MINK1: variants seen among roughly 807,000 people sequenced by gnomAD.
MINK1 encodes the protein misshapen-like kinase 1.
MINK1 carries 46 observed loss-of-function variants against 178.4 expected under a neutral mutation model. That is an observed-to-expected ratio of 0.26 (90% CI 0.20 to 0.33). MINK1 has a LOEUF of 0.33. Ranked by LOEUF, MINK1 falls within the 10% of genes least tolerant of loss-of-function variation. MINK1 has a pLI of 1.00. For missense variants in MINK1, 1,366 were observed against 1,814.9 expected, an observed-to-expected ratio of 0.75 and a Z score of 4.49; for synonymous variants, 797 against 709.7, an observed-to-expected ratio of 1.12 and a Z score of -1.96.
In MINK1 at chr17:4,890,986, C is replaced by T; in HGVS notation, c.1602C>T (p.Asn534=). 2 of 1,560,260 alleles carry T rather than the reference C, an allele frequency of 1.3e-6. No individual in the cohort carries two copies. The highest frequency in any genetic ancestry group is 8.7e-7 in the Non-Finnish European group (1 of 1,152,144). Reference sequence around the variant, plus strand: ...GAACAAGGATGAACAAGCAGCAGAACTCTCCCTTGGCCAAGAGCAAGCCAG... The same window carrying T: ...GAACAAGGATGAACAAGCAGCAGAATTCTCCCTTGGCCAAGAGCAAGCCAG... ...EERTRMNKQQ[N]SPLAKSKPGS... The change falls in exon 15 of 32, where the codon AAC becomes AAT. Residue 534 remains asparagine, a synonymous_variant. Transcript: ENST00000355280.
rs780837778 is a variant in MINK1 at position 4,897,447 on chromosome 17, G to A, written c.*160G>A. ...GTGACCTCTGACCCCTGATGCTTTC[G>A]TGATCACGTGACCATCCTCTTCCCC... On this transcript the variant is annotated 3_prime_UTR_variant, in exon 32 of 32. Transcript: ENST00000355280. 58 of 616,120 alleles carry A rather than the reference G, an allele frequency of 9.4e-5. No individual in the cohort carries two copies. Among genetic ancestry groups the A allele is most frequent in the Non-Finnish European group, 1.3e-4 (47 of 351,778 alleles). 38.2% of individuals were successfully genotyped at this position (616,120 alleles called of 1,614,324 possible).
intron 5 of MINK1, 138 bp from the exon 6 acceptor site, chr17:4,884,774 C>G (rs986140162): frequency 8.1e-6 from 6 of 742,828 alleles, no homozygotes; most frequent in Non-Finnish European, 1.4e-5. Context: ...CTTGCTTGGG[C>G]TCCTGGTGGA....
chr17:4,876,682 C>T (rs1967211514), intron 1 of MINK1, among the ~76,000 whole-genome samples: 1 of 152,054 alleles, frequency 6.6e-6, no homozygotes. Context: ...GCACAGAGGC[C>T]ACGTGTTGCC....
chr17:4,866,461 G>A (rs1033802234), intron 1 of MINK1, among the ~76,000 whole-genome samples: 11 of 150,288 alleles, frequency 7.3e-5, no homozygotes, highest in African/African-American at 2.0e-4. Context: ...GTGAGACTCC[G>A]TCTCAAAATT....
At position 4,897,257 on chromosome 17, in the gene MINK1, T is replaced by A. The variant is rs373157408; in HGVS notation, c.3969T>A (p.Thr1323=). 2 of 1,613,696 alleles carry A rather than the reference T, an allele frequency of 1.2e-6. No homozygotes were observed. The highest frequency in any genetic ancestry group is 8.5e-7 in the Non-Finnish European group (1 of 1,179,726). ...SGGSSQVYFM[T]LNRNCIMNW ...GCAGCAGCCAAGTTTACTTCATGAC[T>A]CTGAACCGTAACTGCATCATGAACT... The change falls in exon 32 of 32, where the codon ACT becomes ACA. Residue 1323 remains threonine (T), a synonymous_variant. Coordinates refer to ENST00000355280, the MANE Select transcript of MINK1 (RefSeq NM_153827.5).
chr17:4,886,662 G>T lies in MINK1; in HGVS notation c.949+36G>T. On this transcript the variant is annotated intron_variant, in intron 10 of 31. Transcript: ENST00000355280. The surrounding 1 kb of genome is among the most constrained non-coding windows in gnomAD (Gnocchi z 6.1). Reference sequence around the variant, plus strand: ...AGGCTGGAGGGGGCAGGTACTAGGGGACACTCCAGCCTGGCTCCTCTCTGC... The same window carrying T: ...AGGCTGGAGGGGGCAGGTACTAGGGTACACTCCAGCCTGGCTCCTCTCTGC... 4 of 1,531,844 alleles carry T rather than the reference G, an allele frequency of 2.6e-6. No homozygotes were observed. Among genetic ancestry groups the T allele is most frequent in the Non-Finnish European group, 3.5e-6 (4 of 1,139,924 alleles). 94.9% of individuals were successfully genotyped at this position (1,531,844 alleles called of 1,614,324 possible).
chr17:4,860,083 T>G (rs897800989), intron 1 of MINK1, among the ~76,000 whole-genome samples: 1 of 151,662 alleles, frequency 6.6e-6, no homozygotes, highest in African/African-American at 2.4e-5. Flanking sequence ...GGGAACTACT[T>G]GCCGCATGCG....
Position 4,887,234 on chromosome 17 carries a change from T to C in MINK1, c.1019+55T>C, listed in dbSNP as rs1968297821. The C allele has an allele frequency of 9.3e-6, 14 of 1,509,760 alleles. No individual in the cohort carries two copies. Among genetic ancestry groups the C allele is most frequent in the South Asian group, 4.8e-5 (4 of 83,584 alleles). 93.5% of individuals were successfully genotyped at this position (1,509,760 alleles called of 1,614,324 possible). A position where few individuals can be genotyped will look rare whatever the true frequency, so the allele number is the denominator to read the frequency against. Reference sequence around the variant, plus strand: ...GGCGGTCATCGCTGAGTGGGGGGACTACAGTGGTGCTTGGCTTTGGGGACT... The same window carrying C: ...GGCGGTCATCGCTGAGTGGGGGGACCACAGTGGTGCTTGGCTTTGGGGACT... On this transcript the variant is annotated intron_variant, in intron 11 of 31. Transcript: ENST00000355280. The surrounding 1 kb of genome is among the most constrained non-coding windows in gnomAD (Gnocchi z 7.6).
intron 1 of MINK1, among the ~76,000 whole-genome samples, chr17:4,838,395 G>A (rs1909621348): frequency 6.6e-6 from 1 of 152,268 alleles, no homozygotes; most frequent in Non-Finnish European, 1.5e-5. Context: ...AGTAAGGTCA[G>A]CAAGAGAGCC....
At chr17:4,860,118 A>G (rs901398122) in intron 1 of MINK1, among the ~76,000 whole-genome samples, 3 of 152,010 alleles carry the variant, frequency 2.0e-5, no homozygotes, top group Non-Finnish European at 2.9e-5. Context: ...GGGAAGGGGC[A>G]TGTCGTTAGA....
In MINK1 at chr17:4,887,155, G is replaced by T; in HGVS notation, c.995G>T (p.Ser332Ile). ...AGCGGCAGCGAGGAGGAAGATGACA[G>T]CCATGGAGAGGAAGGAGAGCCAAGG... ...EYSGSEEEDD[S>I]HGEEGEPSSI... Residue 332 changes from serine to isoleucine, a missense_variant, in exon 11 of 32, where the codon AGC (serine) becomes ATC (isoleucine). Ser to Ile is a moderately radical substitution (Grantham distance 142). Around this residue, in one of 14 missense-constraint regions of MINK1, gnomAD observed 8 missense variants for 27.2 expected, o/e 0.29. Coordinates refer to ENST00000355280, the MANE Select transcript of MINK1 (RefSeq NM_153827.5). The surrounding 1 kb of genome is among the most constrained non-coding windows in gnomAD (Gnocchi z 7.6). 6.2e-7 allele frequency: 1 copy of T among 1,605,116 alleles called. No individual in the cohort carries two copies. The highest frequency in any genetic ancestry group is 8.5e-7 in the Non-Finnish European group (1 of 1,176,054).
rs534166215 is a variant in MINK1, at chr17:4,896,741, G to A, written c.3843G>A (p.Thr1281=). 3.6e-5 allele frequency: 58 copies of A among 1,602,984 alleles called. No homozygotes were observed. The East Asian group carries it at 6.9e-4, about 19-fold the overall frequency. ...EKAIEIRSVE[T]GHLDGVFMHK... ...CCATTGAGATCCGCTCTGTGGAGAC[G>A]GGCCACCTCGACGGGGTCTTCATGC... The change falls in exon 31 of 32, where the codon ACG becomes ACA. Residue 1281 remains threonine, a synonymous_variant. Transcript: ENST00000355280. The surrounding 1 kb of genome is among the most constrained non-coding windows in gnomAD (Gnocchi z 4.6).
intron 1 of MINK1, among the ~76,000 whole-genome samples, chr17:4,840,580 G>A (rs915650222): frequency 2.0e-5 from 3 of 152,130 alleles, no homozygotes; most frequent in African/African-American, 7.2e-5. Flanking sequence ...AGCCTAAGGG[G>A]TGCCTGGAGT....
chr17:4,853,981 A>T (rs1367317420), intron 1 of MINK1, among the ~76,000 whole-genome samples: 1 of 152,096 alleles, frequency 6.6e-6, no homozygotes, highest in Non-Finnish European at 1.5e-5. Context: ...CCAGGCCTGC[A>T]GTTCTGTATT....
Position 4,896,689 on chromosome 17 carries a change from A to G in MINK1, c.3791A>G (p.Asn1264Ser). The G allele has an allele frequency of 6.2e-7, 1 of 1,601,280 alleles. No homozygotes were observed. Among genetic ancestry groups the G allele is most frequent in the South Asian group, 1.1e-5 (1 of 89,448 alleles). ...MPTSVAYICS[N>S]QIMGWGEKAI... is the part of the protein sequence containing the mutation. Reference sequence around the variant, plus strand: ...TTCCCCACAGCCTACATCTGCTCCAACCAGATAATGGGCTGGGGTGAGAAA... The same window carrying G: ...TTCCCCACAGCCTACATCTGCTCCAGCCAGATAATGGGCTGGGGTGAGAAA... Residue 1264 changes from asparagine (N) to serine (S), a missense_variant, in exon 31 of 32, where the codon AAC becomes AGC. Physicochemically the swap from Asn to Ser is conservative, Grantham distance 46. Transcript: ENST00000355280. This position sits in a 1 kb window ranked among gnomAD's most constrained non-coding sequence, Gnocchi z 4.6.
chr17:4,896,361 C>T lies in MINK1; in HGVS notation c.3615+19C>T, dbSNP rs1969466256. 1.9e-6 allele frequency: 3 copies of T among 1,602,016 alleles called. No individual in the cohort carries two copies. The highest frequency in any genetic ancestry group is 1.3e-5 in the African/African-American group (1 of 74,760). On this transcript the variant is annotated intron_variant, in intron 29 of 31. Transcript: ENST00000355280. The surrounding 1 kb of genome is among the most constrained non-coding windows in gnomAD (Gnocchi z 4.6). Reference sequence around the variant, plus strand: ...TGTGCACGTGAGCTTGGCGGGGCTGCTGGGGGAGTGGGATGGCCCAGTCTG... The same window carrying T: ...TGTGCACGTGAGCTTGGCGGGGCTGTTGGGGGAGTGGGATGGCCCAGTCTG...
chr17:4,847,266 A>ATT, intron 1 of MINK1: 1 of 456,500 alleles, frequency 2.2e-6, no homozygotes, highest in South Asian at 1.5e-5. Flanking sequence ...TCATTCATTC[A>ATT]GATGGAGTCT....
chr17:4,897,224 C>T lies in MINK1; in HGVS notation c.3936C>T (p.Arg1312=). 1.2e-6 allele frequency: 2 copies of T among 1,613,728 alleles called. No homozygotes were observed. Among genetic ancestry groups the T allele is most frequent in the Non-Finnish European group, 1.7e-6 (2 of 1,179,780 alleles). The stretch of plus-strand genomic sequence containing the variant: ...CCCAGGTGTTTTTTGCCTCAGTCCG[C>T]TCTGGGGGCAGCAGCCAAGTTTACT... ...RNDKVFFASV[R]SGGSSQVYFM... is the part of the protein sequence containing the mutation. Residue 1312 remains arginine (R), a synonymous_variant, in exon 32 of 32, where the codon CGC becomes CGT. Transcript: ENST00000355280.
chr17:4,892,141 C>A lies in MINK1; in HGVS notation c.2002-8C>A. The A allele has an allele frequency of 6.3e-7, 1 of 1,587,554 alleles. No homozygotes were observed. Among genetic ancestry groups the A allele is most frequent in the Admixed American group, 1.8e-5 (1 of 56,748 alleles). On this transcript the variant is annotated splice_region_variant and splice_polypyrimidine_tract_variant and intron_variant, in intron 16 of 31. Coordinates refer to ENST00000355280, the MANE Select transcript of MINK1 (RefSeq NM_153827.5). ...GCCAGCTCGCAGCACGTGGACTTCT[C>A]TCCACAGGTGCCTCAGAGGACCTCA...
Sources: gnomAD v4.1 joint callset for allele counts (sites outside exome capture counted in the v4.1 genomes callset) on GRCh38, gnomAD v4.1.1 for gene constraint, gnomAD v4.1.1 regional missense constraint, Gnocchi (gnomAD v3.1) non-coding constraint, MANE v1.5 for transcripts, NCBI Gene and HGNC (gene_info 2026-07-23, HGNC 2026-07-21) for gene names.